SORCS1: variants seen among roughly 807,000 people sequenced by gnomAD.
SORCS1 encodes sortilin related VPS10 domain containing receptor 1, also known as VPS10 domain-containing receptor SorCS1.
Under a neutral mutation model 146.1 loss-of-function variants are expected in SORCS1, and 60 were observed. That is an observed-to-expected ratio of 0.41 (90% CI 0.33 to 0.51). The LOEUF is 0.51. Among genes scored for constraint, SORCS1 ranks in the 20% least tolerant of loss-of-function variants. SORCS1 has a pLI of 0.21. For synonymous variants in SORCS1, 637 were observed against 584.0 expected (o/e 1.09, Z -1.31); for missense variants, 1,352 against 1,487.6 (o/e 0.91, Z 1.50).
intron 2 of SORCS1, among the ~76,000 whole-genome samples, chr10:106,937,935 TC>T (rs1279930487): frequency 7.2e-6 from 1 of 138,206 alleles, no homozygotes; most frequent in Non-Finnish European, 1.5e-5. Flanking sequence ...CTGCACTCCA[TC>T]CTGAGCAACA....
At chr10:107,175,594 C>A in the SORCS1 span, among the ~76,000 whole-genome samples, 1 of 152,076 alleles carries the variant, frequency 6.6e-6, no homozygotes, top group Non-Finnish European at 1.5e-5. Context: ...TGCCACCATG[C>A]CTGGCTAATG....
chr10:107,134,365 G>A (rs972710023), intron 1 of SORCS1, among the ~76,000 whole-genome samples: 2 of 152,152 alleles, frequency 1.3e-5, no homozygotes, highest in African/African-American at 4.8e-5. Flanking sequence ...TCGGCCAGGC[G>A]CGGTGGCTCA....
intron 2 of SORCS1, among the ~76,000 whole-genome samples, chr10:106,929,417 G>C (rs1293867548): frequency 6.6e-6 from 1 of 152,038 alleles, no homozygotes; most frequent in East Asian, 1.9e-4. Context: ...TGGCCCATTA[G>C]GGAAAACTGA....
At chr10:106,815,610 G>A (rs1947700091) in intron 3 of SORCS1, among the ~76,000 whole-genome samples, 2 of 152,138 alleles carry the variant, frequency 1.3e-5, no homozygotes, top group African/African-American at 4.8e-5. Flanking sequence ...GAGCCAGATG[G>A]CCTCCTACTC....
intron 1 of SORCS1, among the ~76,000 whole-genome samples, chr10:107,139,018 A>G (rs2044154529): frequency 6.6e-6 from 1 of 152,204 alleles, no homozygotes; most frequent in Non-Finnish European, 1.5e-5. Context: ...ATGAGGGTAA[A>G]CAAAATCCAT....
intron 19 of SORCS1, 150 bp downstream of exon 19, chr10:106,629,052 C>T: frequency 3.1e-6 from 2 of 653,670 alleles, no homozygotes; most frequent in Non-Finnish European, 5.2e-6. Context: ...CTCACTCTTT[C>T]CTTATTTTGG....
intron 2 of SORCS1, among the ~76,000 whole-genome samples, chr10:106,872,067 T>C (rs1039256718): frequency 2.0e-5 from 3 of 152,106 alleles, no homozygotes. Flanking sequence ...TAAATTCTAG[T>C]GGAAATAGAG....
At chr10:107,173,087 C>T in the SORCS1 span, among the ~76,000 whole-genome samples, 2 of 152,236 alleles carry the variant, frequency 1.3e-5, no homozygotes, top group African/African-American at 4.8e-5. Flanking sequence ...GGATCCTGTA[C>T]CTTCTCAGTC....
intron 2 of SORCS1, among the ~76,000 whole-genome samples, chr10:106,929,248 C>G (rs1028426719): frequency 6.6e-6 from 1 of 152,114 alleles, no homozygotes; most frequent in East Asian, 1.9e-4. Context: ...TTCTAAAACC[C>G]TTAGAAATTG....
chr10:106,882,643 G>C (rs1234546703), intron 2 of SORCS1, among the ~76,000 whole-genome samples: 6 of 151,976 alleles, frequency 3.9e-5, no homozygotes, highest in African/African-American at 7.3e-5. Flanking sequence ...TTTTTAACCT[G>C]AGATTACACA....
intron 8 of SORCS1, among the ~76,000 whole-genome samples, chr10:106,704,100 C>T (rs914008018): frequency 1.3e-5 from 2 of 152,184 alleles, no homozygotes; most frequent in African/African-American, 4.8e-5. Flanking sequence ...TGGCTATGAA[C>T]AAGCAATGCA....
At chr10:107,100,251 C>T (rs1204714861) in intron 1 of SORCS1, among the ~76,000 whole-genome samples, 4 of 152,164 alleles carry the variant, frequency 2.6e-5, no homozygotes, top group East Asian at 1.9e-4. Context: ...CGGTGGCTCA[C>T]GCCTGTAATC....
In SORCS1 at chr10:106,579,384, A is replaced by G. The variant is rs998797400; in HGVS notation, c.3356T>C (p.Ile1119Thr). Residue 1119 changes from isoleucine (I) to threonine (T), a missense_variant, in exon 25 of 26, where the codon ATC (isoleucine) becomes ACC (threonine). Ile to Thr is a moderately conservative substitution (Grantham distance 89). Coordinates refer to ENST00000263054, the MANE Select transcript of SORCS1 (RefSeq NM_052918.5). ...VVFVGLAVFV[I>T]YKFKRRVALP... Reference sequence around the variant, plus strand: ...GGACACGCACCTTTTAAACTTGTAGATGACGAACACTGCCAGCCCCACAAA... The same window carrying G: ...GGACACGCACCTTTTAAACTTGTAGGTGACGAACACTGCCAGCCCCACAAA... 5.0e-6 allele frequency: 8 copies of G among 1,614,024 alleles called. No homozygotes were observed. The highest frequency in any genetic ancestry group is 5.9e-6 in the Non-Finnish European group (7 of 1,179,976).
intron 1 of SORCS1, among the ~76,000 whole-genome samples, chr10:106,962,693 C>T (rs1210919602): frequency 1.3e-5 from 2 of 152,150 alleles, no homozygotes; most frequent in African/African-American, 2.4e-5. Flanking sequence ...ACTAGTGATT[C>T]AGGGATGGCA....
chr10:106,884,744 A>C (rs1380162226), intron 2 of SORCS1, among the ~76,000 whole-genome samples: 1 of 152,212 alleles, frequency 6.6e-6, no homozygotes, highest in Non-Finnish European at 1.5e-5. Flanking sequence ...AAAAAATCAT[A>C]ATTGAGAAGT....
At position 107,121,395 on chromosome 10, in the gene SORCS1, C is replaced by T. The variant is rs185222927; in HGVS notation, c.558+42574G>A. ...CTGGTTACATGAGCAGAAGAAGCAT[C>T]CCCACTGCTCTCAATCAAAGACTTG... On this transcript the variant is annotated intron_variant, in intron 1 of 25. Coordinates refer to ENST00000263054, the MANE Select transcript of SORCS1 (RefSeq NM_052918.5). Among the ~76,000 whole-genome samples the T allele has an allele frequency of 1.9e-3, 283 of 152,298 alleles. 1 individual carries two copies. The highest frequency in any genetic ancestry group is 2.5e-3 in the Non-Finnish European group (169 of 68,016).
intron 1 of SORCS1, among the ~76,000 whole-genome samples, chr10:107,062,355 A>G (rs1231503921): frequency 3.3e-5 from 5 of 152,168 alleles, no homozygotes; most frequent in South Asian, 2.1e-4. Context: ...TTCAACCACA[A>G]CATGGCAGAG....
chr10:106,992,826 CTTTTTTTTTTTT>C (rs36052970), intron 1 of SORCS1, among the ~76,000 whole-genome samples: 2 of 57,104 alleles, frequency 3.5e-5, no homozygotes, highest in East Asian at 4.6e-4. Flanking sequence ...TTCTTTCTTT[CTTTTTTTTTTTT>C]TTTTTTTTTT....
intron 3 of SORCS1, among the ~76,000 whole-genome samples, chr10:106,818,138 T>C (rs1338591169): frequency 6.6e-6 from 1 of 152,222 alleles, no homozygotes; most frequent in Non-Finnish European, 1.5e-5. Flanking sequence ...TAATCTCTTC[T>C]TAATATTATA....
Sources: gnomAD v4.1 joint callset for allele counts (sites outside exome capture counted in the v4.1 genomes callset) on GRCh38, gnomAD v4.1.1 for gene constraint, MANE v1.5 for transcripts, NCBI Gene and HGNC (gene_info 2026-07-23, HGNC 2026-07-21) for gene names.